Variants in DPYD observed in about 807,000 individuals in gnomAD.
The protein encoded by DPYD is dihydropyrimidine dehydrogenase [NADP(+)].
A neutral mutation model predicts 116.2 loss-of-function variants in DPYD; 109 were observed. That is an observed-to-expected ratio of 0.94 (90% confidence interval 0.80 to 1.10). DPYD has a LOEUF of 1.10. Ranked by LOEUF, DPYD falls within the 50% of genes least tolerant of loss-of-function variation. DPYD has a pLI of 0.00. For missense variants in DPYD, 1,302 were observed against 1,254.5 expected (o/e 1.04, Z -0.57); for synonymous variants, 440 against 432.0 (o/e 1.02, Z -0.23).
intron 12 of DPYD, among the ~76,000 whole-genome samples, chr1:97,544,226 G>A (rs1650653428): frequency 1.3e-5 from 2 of 152,168 alleles, no homozygotes; most frequent in Admixed American, 1.3e-4. Flanking sequence ...TAATGACAAT[G>A]TGGAGAGAGA....
chr1:97,590,626 C>T (rs1003056459), intron 10 of DPYD, among the ~76,000 whole-genome samples: 2 of 152,170 alleles, frequency 1.3e-5, no homozygotes. Context: ...TAAGACCAGA[C>T]CCATTTGAGT....
At chr1:97,670,489 C>G (rs748468515) in intron 8 of DPYD, among the ~76,000 whole-genome samples, 7 of 152,176 alleles carry the variant, frequency 4.6e-5, no homozygotes, top group Admixed American at 6.6e-5. Context: ...TAGGAACACA[C>G]AGGGAGAAGG....
chr1:97,530,473 T>G lies in DPYD; in HGVS notation c.1525-14532A>C, dbSNP rs538539656. On this transcript the variant is annotated intron_variant, in intron 12 of 22. Transcript: ENST00000370192. ...ACCTCGTGATCCGCCCGCCTCGGCCTCCCAAAGGGCTGGGATTACAGGCGT... is the reference window on the plus strand; with the variant it reads ...ACCTCGTGATCCGCCCGCCTCGGCCGCCCAAAGGGCTGGGATTACAGGCGT... 1.1e-3 allele frequency among the ~76,000 whole-genome samples: 163 copies of G among 152,244 alleles called. 1 individual carries two copies. Among genetic ancestry groups the G allele is most frequent in the Non-Finnish European group, 1.6e-3 (112 of 67,992 alleles).
At chr1:97,247,905 G>A (rs1662830536) in intron 18 of DPYD, among the ~76,000 whole-genome samples, 1 of 152,142 alleles carries the variant, frequency 6.6e-6, no homozygotes, top group South Asian at 2.1e-4. Context: ...AAGCCCAGAT[G>A]GCTTCGCTGG....
chr1:97,772,408 C>T (rs1227147204), intron 3 of DPYD, among the ~76,000 whole-genome samples: 1 of 152,190 alleles, frequency 6.6e-6, no homozygotes, highest in Non-Finnish European at 1.5e-5. Flanking sequence ...TATTCCACCT[C>T]TCATCCTATC....
At chr1:97,395,425 G>A (rs1179416924) in intron 14 of DPYD, among the ~76,000 whole-genome samples, 1 of 151,804 alleles carries the variant, frequency 6.6e-6, no homozygotes, top group Non-Finnish European at 1.5e-5. Flanking sequence ...ATAATAATGA[G>A]GCATGGATAA....
intron 5 of DPYD, among the ~76,000 whole-genome samples, chr1:97,721,221 T>A (rs1253771759): frequency 6.6e-6 from 1 of 151,772 alleles, no homozygotes; most frequent in Non-Finnish European, 1.5e-5. Flanking sequence ...TACTTCCACA[T>A]AAAGTTAATG....
intron 14 of DPYD, among the ~76,000 whole-genome samples, chr1:97,427,256 T>C (rs755126850): frequency 6.6e-6 from 1 of 152,084 alleles, no homozygotes; most frequent in Non-Finnish European, 1.5e-5. Flanking sequence ...AGGTAAGTTT[T>C]CTGATATTGG....
Position 97,078,483 on chromosome 1 carries a change from C to T in DPYD, c.*493G>A, listed in dbSNP as rs1648936065. 5.7e-6 allele frequency: 1 copy of T among 174,680 alleles called. No individual in the cohort carries two copies. 10.8% of individuals were successfully genotyped at this position (174,680 alleles called of 1,614,324 possible). On this transcript the variant is annotated 3_prime_UTR_variant, in exon 23 of 23. Transcript: ENST00000370192. ...AATTTTTTGACTTTCTTCATTTGTA[C>T]TTTATGGAGCTAACTACATTTTCTT...
intron 13 of DPYD, among the ~76,000 whole-genome samples, chr1:97,494,109 T>C (rs776341359): frequency 6.6e-6 from 1 of 152,176 alleles, no homozygotes; most frequent in Non-Finnish European, 1.5e-5. Context: ...TGACAAATAA[T>C]ATATACACAA....
At chr1:97,638,478 G>A (rs1368384583) in intron 8 of DPYD, among the ~76,000 whole-genome samples, 4 of 152,102 alleles carry the variant, frequency 2.6e-5, no homozygotes, top group Non-Finnish European at 5.9e-5. Context: ...TGATCATATA[G>A]ACTAAGCCAT....
chr1:97,380,958 G>A (rs1348408813), intron 15 of DPYD, among the ~76,000 whole-genome samples: 1 of 152,160 alleles, frequency 6.6e-6, no homozygotes, highest in African/African-American at 2.4e-5. Flanking sequence ...GAAGGCCTGC[G>A]GGATACTTCC....
chr1:97,568,083 A>G (rs1652655269), intron 11 of DPYD, among the ~76,000 whole-genome samples: 1 of 152,142 alleles, frequency 6.6e-6, no homozygotes, highest in Non-Finnish European at 1.5e-5. Context: ...AATATATAAT[A>G]CAGTTACAGA....
At chr1:97,302,912 C>T (rs1666949877) in intron 18 of DPYD, among the ~76,000 whole-genome samples, 1 of 152,046 alleles carries the variant, frequency 6.6e-6, no homozygotes, top group South Asian at 2.1e-4. Context: ...CTCTCAAATC[C>T]AGGCTACTTA....
At position 97,525,894 on chromosome 1, in the gene DPYD, G is replaced by A. The variant is rs60538178; in HGVS notation, c.1525-9953C>T. On this transcript the variant is annotated intron_variant, in intron 12 of 22. Transcript: ENST00000370192. ...TGCGTGTGTGTGTGTGTGCGCGCGC[G>A]CGTGTGTGTGTGTGTGTGTTTTAGG... Among the ~76,000 whole-genome samples the A allele has an allele frequency of 2.8e-3, 369 of 131,232 alleles. 3 individuals are homozygous for A. Among genetic ancestry groups the A allele is most frequent in the African/African-American group, 9.8e-3 (355 of 36,166 alleles). The allele number at this position is 131,232 out of a possible 152,430, so 86.1% of individuals were successfully genotyped here.
chr1:97,196,447 T>C (rs941306592), intron 19 of DPYD, among the ~76,000 whole-genome samples: 2 of 152,048 alleles, frequency 1.3e-5, no homozygotes, highest in Admixed American at 1.3e-4. Context: ...ATGAAAATAA[T>C]TATGTTTTAA....
chr1:97,570,444 T>C, intron 11 of DPYD, among the ~76,000 whole-genome samples: 1 of 151,942 alleles, frequency 6.6e-6, no homozygotes, highest in Non-Finnish European at 1.5e-5. Flanking sequence ...CTGTGCTGGA[T>C]GCTGGCAGGA....
At chr1:97,272,331 T>C (rs143902004) in intron 18 of DPYD, among the ~76,000 whole-genome samples, 88 of 152,270 alleles carry the variant, frequency 5.8e-4, no homozygotes, top group Non-Finnish European at 3.5e-4. Context: ...ATTAATCAGC[T>C]ATGGTATGTC....
intron 19 of DPYD, among the ~76,000 whole-genome samples, chr1:97,195,218 A>T (rs892161163): frequency 6.6e-6 from 1 of 151,646 alleles, no homozygotes; most frequent in South Asian, 2.1e-4. Flanking sequence ...GCAAAGAAAA[A>T]CTCATTTCTA....
Sources: gnomAD v4.1 joint callset for allele counts (sites outside exome capture counted in the v4.1 genomes callset) on GRCh38, gnomAD v4.1.1 for gene constraint, MANE v1.5 for transcripts, NCBI Gene and HGNC (gene_info 2026-07-23, HGNC 2026-07-21) for gene names.